FRMD4A: variants seen among roughly 807,000 people sequenced by gnomAD.
FRMD4A encodes FERM domain-containing protein 4A.
A neutral mutation model predicts 129.1 loss-of-function variants in FRMD4A; 29 were observed. The observed-to-expected ratio is 0.22, with a 90% CI of 0.17 to 0.31. The LOEUF (loss-of-function observed/expected upper bound fraction) is 0.31, where lower values mean the gene tolerates loss of function less well. Ranked by LOEUF, FRMD4A falls within the 10% of genes least tolerant of loss-of-function variation. The pLI is 1.00. For synonymous variants in FRMD4A, 634 were observed against 571.6 expected (o/e 1.11, Z -1.56); for missense variants, 1,272 against 1,375.8 (o/e 0.92, Z 1.19).
chr10:14,263,692 G>A (rs1452879039), intron 2 of FRMD4A, among the ~76,000 whole-genome samples: 2 of 152,208 alleles, frequency 1.3e-5, no homozygotes, highest in East Asian at 1.9e-4. Flanking sequence ...AAGCTCCTTC[G>A]TGTTGCAGGG....
At chr10:14,090,809 T>C (rs937401311) in intron 2 of FRMD4A, among the ~76,000 whole-genome samples, 23 of 152,196 alleles carry the variant, frequency 1.5e-4, no homozygotes, top group Admixed American at 1.3e-3. Flanking sequence ...ACAAATGAAG[T>C]ACCCAGACTA....
chr10:13,816,316 T>G (rs1263686737), intron 3 of FRMD4A, among the ~76,000 whole-genome samples: 1 of 152,234 alleles, frequency 6.6e-6, no homozygotes, highest in Non-Finnish European at 1.5e-5. Flanking sequence ...ACATTTTTTC[T>G]GCTGTCATGG....
chr10:14,259,081 T>C (rs930681143), intron 2 of FRMD4A, among the ~76,000 whole-genome samples: 3 of 152,192 alleles, frequency 2.0e-5, no homozygotes, highest in Admixed American at 2.0e-4. Context: ...ATTATTATAG[T>C]GATGGTCTAA....
intron 2 of FRMD4A, among the ~76,000 whole-genome samples, chr10:14,131,973 T>C (rs1839282543): frequency 6.6e-6 from 1 of 152,196 alleles, no homozygotes; most frequent in Non-Finnish European, 1.5e-5. Flanking sequence ...CAATTTCTAA[T>C]TTCTTATCCC....
At position 13,780,063 on chromosome 10, in the gene FRMD4A, C is replaced by A. The variant is rs141456229; in HGVS notation, c.384+2859G>T. Among the ~76,000 whole-genome samples the A allele has an allele frequency of 3.4e-3, 520 of 152,252 alleles. 2 individuals are homozygous for A. The highest frequency in any genetic ancestry group is 0.012 in the African/African-American group (497 of 41,542). On this transcript the variant is annotated intron_variant, in intron 6 of 24. Transcript: ENST00000357447. The stretch of plus-strand genomic sequence containing the variant: ...TTTTAGGGCCGGGCAAGGTGGCTCA[C>A]ACCTGTAATCCCAACACTTTGGGAG...
intron 2 of FRMD4A, among the ~76,000 whole-genome samples, chr10:14,152,617 G>A (rs562563169): frequency 2.0e-5 from 3 of 152,206 alleles, no homozygotes; most frequent in South Asian, 2.1e-4. Context: ...GCGGTGGCTC[G>A]CTTGAGGCCG....
chr10:14,041,296 C>G (rs1421748547), intron 2 of FRMD4A, among the ~76,000 whole-genome samples: 1 of 152,224 alleles, frequency 6.6e-6, no homozygotes, highest in Admixed American at 6.5e-5. Flanking sequence ...GGTTCCTTAT[C>G]TCTTTTTTCA....
chr10:13,750,676 C>A (rs1400591732), intron 8 of FRMD4A, among the ~76,000 whole-genome samples: 1 of 152,124 alleles, frequency 6.6e-6, no homozygotes, highest in Non-Finnish European at 1.5e-5. Context: ...ATGTCAGGGG[C>A]AATACACTGA....
At chr10:14,155,746 G>C (rs1391729711) in intron 2 of FRMD4A, among the ~76,000 whole-genome samples, 2 of 152,146 alleles carry the variant, frequency 1.3e-5, no homozygotes, top group African/African-American at 2.4e-5. Context: ...GAAAGAGTGA[G>C]AGTGGTTGGA....
At chr10:13,686,590 G>A (rs11258519) in intron 15 of FRMD4A, among the ~76,000 whole-genome samples, 17 of 152,198 alleles carry the variant, frequency 1.1e-4, no homozygotes, top group Non-Finnish European at 1.0e-4. Flanking sequence ...GAAAGTGTCA[G>A]AGCCAGGGTA....
intron 2 of FRMD4A, among the ~76,000 whole-genome samples, chr10:14,182,475 A>G (rs1841944628): frequency 6.6e-6 from 1 of 152,222 alleles, no homozygotes; most frequent in Non-Finnish European, 1.5e-5. Flanking sequence ...TGAGCCCAGG[A>G]GTTTGAGGCT....
At chr10:13,978,755 T>C (rs149037289) in intron 2 of FRMD4A, among the ~76,000 whole-genome samples, 282 of 152,280 alleles carry the variant, frequency 1.9e-3, no homozygotes, top group African/African-American at 6.0e-3. Context: ...ACTGTGTTCA[T>C]CTTGGGGACT....
At chr10:13,827,859 C>G (rs926391009) in intron 3 of FRMD4A, among the ~76,000 whole-genome samples, 1 of 152,226 alleles carries the variant, frequency 6.6e-6, no homozygotes, top group Admixed American at 6.5e-5. Context: ...CTCCTGCCTG[C>G]TTCGGGGAGC....
rs149301184 is a variant in FRMD4A, at chr10:13,654,504, G to A, written c.2962C>T (p.Pro988Ser). The change falls in exon 23 of 25, where the codon CCT (proline) becomes TCT (serine). Residue 988 changes from proline (P) to serine (S), a missense_variant. Coordinates refer to ENST00000357447, the MANE Select transcript of FRMD4A (RefSeq NM_018027.5). ...QMCKATSAAL[P>S]QSQRSSTPSS... ...GGTGTCGAGCTTCTCTGGCTTTGAGGTAAGGCAGCTACATGCAGGTGGTGC... is the reference window on the plus strand; with the variant it reads ...GGTGTCGAGCTTCTCTGGCTTTGAGATAAGGCAGCTACATGCAGGTGGTGC... The A allele has an allele frequency of 1.9e-6, 3 of 1,611,320 alleles. No individual in the cohort carries two copies. The highest frequency in any genetic ancestry group is 2.2e-5 in the East Asian group (1 of 44,890).
At chr10:14,223,745 T>TG (rs1843339302) in intron 2 of FRMD4A, among the ~76,000 whole-genome samples, 1 of 24,242 alleles carries the variant, frequency 4.1e-5, no homozygotes, top group East Asian at 9.3e-4. Context: ...TGTCTCAAAA[T>TG]GAAAAAAAAA....
rs201599410 is a variant in FRMD4A at position 13,742,147 on chromosome 10, C to T, written c.549-1570G>A. 5.3e-5 allele frequency among the ~76,000 whole-genome samples: 8 copies of T among 152,134 alleles called. No homozygotes were observed. In the East Asian group the frequency reaches 5.8e-4, roughly 11 times the overall value. ...CTGGGATTACAGGCGTGAGCCACCG[C>T]GCCCAGCTGAAATCCTAGTTCTAAT... On this transcript the variant is annotated intron_variant, in intron 9 of 24. Coordinates refer to ENST00000357447, the MANE Select transcript of FRMD4A (RefSeq NM_018027.5).
intron 2 of FRMD4A, among the ~76,000 whole-genome samples, chr10:13,930,223 G>C (rs1483819700): frequency 3.3e-5 from 5 of 152,148 alleles, no homozygotes; most frequent in African/African-American, 1.2e-4. Context: ...GTCTGCACAG[G>C]ACTGAATGAG....
intron 19 of FRMD4A, among the ~76,000 whole-genome samples, chr10:13,661,061 T>TCCA: frequency 6.6e-6 from 1 of 152,304 alleles, no homozygotes; most frequent in Non-Finnish European, 1.5e-5. Context: ...GGTCTATATG[T>TCCA]CCATTGTAAA....
intron 2 of FRMD4A, among the ~76,000 whole-genome samples, chr10:14,245,575 T>G (rs550245286): frequency 1.3e-5 from 2 of 152,180 alleles, no homozygotes; most frequent in African/African-American, 2.4e-5. Context: ...AACGTGAATG[T>G]ATTTGGAGAC....
Sources: gnomAD v4.1 joint callset for allele counts (sites outside exome capture counted in the v4.1 genomes callset) on GRCh38, gnomAD v4.1.1 for gene constraint, MANE v1.5 for transcripts, NCBI Gene and HGNC (gene_info 2026-07-23, HGNC 2026-07-21) for gene names.